The following NEB variants were observed in gnomAD, a reference collection of about 807,000 sequenced individuals.
NEB encodes the protein nemaline myopathy type 2.
In NEB, 512 loss-of-function variants were observed where a neutral mutation model predicts 952.2. The ratio of observed to expected loss-of-function variants is 0.54; its 90% CI spans 0.50 to 0.58. NEB has a LOEUF of 0.58. NEB is among the 20% of genes least tolerant of loss of function. The probability of loss-of-function intolerance (pLI) is 0.00; values close to 1 mark genes in which losing one functional copy is unlikely to be tolerated. For synonymous variants in NEB, 2,900 were observed against 3,149.8 expected (o/e 0.92, Z 2.66); for missense variants, 8,428 against 9,231.1 (o/e 0.91, Z 3.56).
intron 129 of NEB, among the ~76,000 whole-genome samples, chr2:151,551,215 C>T (rs1382531039): frequency 3.3e-5 from 5 of 151,604 alleles, no homozygotes; most frequent in South Asian, 2.1e-4. Flanking sequence ...GTGATCTGCC[C>T]GCCTCAGCCT....
chr2:151,709,080 C>T (rs953329421), intron 12 of NEB, among the ~76,000 whole-genome samples: 1 of 152,206 alleles, frequency 6.6e-6, no homozygotes, highest in African/African-American at 2.4e-5. Context: ...CTTTAGAATG[C>T]TAAGGACTCA....
intron 66 of NEB, 146 bp downstream of exon 66, chr2:151,630,997 A>G: frequency 7.8e-7 from 1 of 1,276,532 alleles, no homozygotes; most frequent in South Asian, 1.5e-5. Flanking sequence ...TGGAATAATC[A>G]AAATTATTTA....
intron 100 of NEB, among the ~76,000 whole-genome samples, chr2:151,583,980 G>T (rs1421127244): frequency 8.3e-6 from 1 of 119,842 alleles, no homozygotes; most frequent in Non-Finnish European, 1.8e-5. Context: ...GAGGGAGATG[G>T]TATGGTGAAC....
At chr2:151,535,048 A>C (rs1239853963) in intron 142 of NEB, among the ~76,000 whole-genome samples, 2 of 152,244 alleles carry the variant, frequency 1.3e-5, no homozygotes, top group African/African-American at 4.8e-5. Flanking sequence ...AACTTTAACT[A>C]TAAAACCATC....
At position 151,503,353 on chromosome 2, in the gene NEB, C is replaced by T; in HGVS notation, c.23831G>A (p.Ser7944Asn). ...ATATGATATATTTGTAAATACCGAG[C>T]TAAAGTTCTCTTGATTGCGTTTGAC... is the stretch of plus-strand genomic sequence containing the variant. ...ERVKRNQENF[S>N]SVLYKENLGK... The change falls in exon 166 of 182, where the codon AGC becomes AAC. Residue 7944 changes from serine to asparagine, a missense_variant. This residue lies in a region of NEB where 3,374 missense variants were observed against 3,651.5 expected (regional missense o/e 0.92). Coordinates refer to ENST00000397345, the MANE Select transcript of NEB (RefSeq NM_001164508.2). 6.2e-7 allele frequency: 1 copy of T among 1,605,648 alleles called. No individual in the cohort carries two copies.
At chr2:151,541,872 T>A (rs2094116300) in intron 135 of NEB, among the ~76,000 whole-genome samples, 1 of 152,154 alleles carries the variant, frequency 6.6e-6, no homozygotes, top group Non-Finnish European at 1.5e-5. Flanking sequence ...ACCCTTCCTG[T>A]TTTCCCAATC....
intron 28 of NEB, among the ~76,000 whole-genome samples, chr2:151,684,461 C>G (rs377582191): frequency 9.2e-5 from 14 of 152,198 alleles, no homozygotes; most frequent in African/African-American, 3.4e-4. Context: ...TCACCAGGGC[C>G]TGGCACCATG....
In NEB at chr2:151,493,390, A is replaced by C. The variant is rs778196202; in HGVS notation, c.24728T>G (p.Met8243Arg). Residue 8243 changes from methionine to arginine, a missense_variant, in exon 176 of 182, where the codon ATG (methionine) becomes AGG (arginine). By Grantham distance (91) the Met-to-Arg change is moderately conservative. Around this residue, in one of 11 missense-constraint regions of NEB, gnomAD observed 3,374 missense variants for 3,651.5 expected, o/e 0.92. Coordinates refer to ENST00000397345, the MANE Select transcript of NEB (RefSeq NM_001164508.2). ...TTCTTGGTTGCGCTTAGCTCTCTCC[A>C]TCTCTGGAGTAACAGGTGTCGGAGT... Reference protein sequence around the residue: ...KATPTPVTPEMERAKRNQENI... With the variant: ...KATPTPVTPERERAKRNQENI... The C allele has an allele frequency of 3.1e-6, 5 of 1,611,978 alleles. No individual in the cohort carries two copies. The highest frequency in any genetic ancestry group is 4.2e-6 in the Non-Finnish European group (5 of 1,179,286).
At chr2:151,533,890 G>A (rs542473152) in intron 142 of NEB, among the ~76,000 whole-genome samples, 5 of 152,050 alleles carry the variant, frequency 3.3e-5, no homozygotes, top group Non-Finnish European at 7.4e-5. Flanking sequence ...TTTGTTTTTT[G>A]TTGTTGTTTG....
In NEB at chr2:151,684,828, CA is replaced by C. The variant is rs786204430; in HGVS notation, c.2784del (p.Asp929IlefsTer28). ...KHILHSYSYP[P>X]DSINVDLAKK... ...TTGGCAAGGTCCACATTGATGCTAT[CA>C]GGGGGGTAGCTGTAACTGTGTAAGA... On this transcript the variant is annotated frameshift_variant, in exon 28 of 182. Coordinates refer to ENST00000397345, the MANE Select transcript of NEB (RefSeq NM_001164508.2). LOFTEE classifies it high-confidence loss of function. The C allele has an allele frequency of 3.7e-6, 6 of 1,613,184 alleles. No homozygotes were observed. The highest frequency in any genetic ancestry group is 5.1e-6 in the Non-Finnish European group (6 of 1,179,610).
At chr2:151,646,935 A>G (rs2098967470) in intron 54 of NEB, among the ~76,000 whole-genome samples, 1 of 151,954 alleles carries the variant, frequency 6.6e-6, no homozygotes, top group Admixed American at 6.6e-5. Flanking sequence ...TCCAGCTTCT[A>G]TGTGACTTAG....
intron 153 of NEB, among the ~76,000 whole-genome samples, chr2:151,523,320 C>G (rs1308225316): frequency 6.6e-6 from 1 of 152,126 alleles, no homozygotes; most frequent in Non-Finnish European, 1.5e-5. Flanking sequence ...TCATCTGACC[C>G]TCTTGTGTTT....
chr2:151,513,488 G>T, intron 160 of NEB, 92 bp downstream of exon 160: 1 of 911,180 alleles, frequency 1.1e-6, no homozygotes, highest in Non-Finnish European at 1.7e-6. Flanking sequence ...GCATGTGACT[G>T]TCACCAATAA....
At chr2:151,610,258 A>C in intron 80 of NEB, 138 bp from the exon 81 acceptor site, 1 of 755,162 alleles carries the variant, frequency 1.3e-6, no homozygotes, top group Non-Finnish European at 2.1e-6. Flanking sequence ...ATTTAAAAGC[A>C]ATGTTTTATA....
At position 151,497,949 on chromosome 2, in the gene NEB, T is replaced by G. The variant is rs986243428; in HGVS notation, c.24208-231A>C. The G allele has an allele frequency of 2.8e-6, 4 of 1,439,930 alleles. No homozygotes were observed. In the African/African-American group the frequency reaches 4.3e-5, roughly 16 times the overall value. The allele number at this position is 1,439,930 out of a possible 1,614,324, so 89.2% of individuals were successfully genotyped here. A position where few individuals can be genotyped will look rare whatever the true frequency, so the allele number is the denominator to read the frequency against. On this transcript the variant is annotated intron_variant, in intron 170 of 181. Transcript: ENST00000397345. ...GGGCTGTCAGAGTTATCCATGTTAT[T>G]TTTTTTCATTTTTGTGAGTACGGTG... is the stretch of plus-strand genomic sequence containing the variant.
intron 138 of NEB, 106 bp from the exon 139 acceptor site, chr2:151,538,350 A>C (rs1416157797): frequency 1.2e-5 from 10 of 818,146 alleles, no homozygotes; most frequent in Non-Finnish European, 2.0e-5. Flanking sequence ...TCCCATGAAT[A>C]CATTTAGGAA....
intron 13 of NEB, among the ~76,000 whole-genome samples, 186 bp downstream of exon 13, chr2:151,706,695 A>G (rs536768399): frequency 6.6e-6 from 1 of 152,200 alleles, no homozygotes; most frequent in South Asian, 2.1e-4. Context: ...ACAGAACCAC[A>G]AACAGTAAGG....
chr2:151,636,150 G>T, intron 64 of NEB, 77 bp downstream of exon 64: 1 of 1,254,078 alleles, frequency 8.0e-7, no homozygotes, highest in African/African-American at 1.5e-5. Flanking sequence ...TCCAGGAAAA[G>T]TTCTTTTCTA....
At position 151,651,056 on chromosome 2, in the gene NEB, A is replaced by G. The variant is rs374281356; in HGVS notation, c.6916-171T>C. Among the ~76,000 whole-genome samples the G allele has an allele frequency of 5.3e-5, 8 of 151,808 alleles. No individual in the cohort carries two copies. The East Asian group carries it at 1.3e-3, about 26-fold the overall frequency. ...AGCTTCAGCCTCCCTAGTAGCTGGG[A>G]TTTACAGGTACATGCCACCTCATCC... On this transcript the variant is annotated intron_variant, in intron 52 of 181. Coordinates refer to ENST00000397345, the MANE Select transcript of NEB (RefSeq NM_001164508.2).
Sources: gnomAD v4.1 joint callset for allele counts (sites outside exome capture counted in the v4.1 genomes callset) on GRCh38, gnomAD v4.1.1 for gene constraint, gnomAD v4.1.1 regional missense constraint, MANE v1.5 for transcripts, NCBI Gene and HGNC (gene_info 2026-07-23, HGNC 2026-07-21) for gene names.